ALDH1L2: variants seen among roughly 807,000 people sequenced by gnomAD.
The protein encoded by ALDH1L2 is aldehyde dehydrogenase 1 family member L2.
ALDH1L2 carries 91 observed loss-of-function variants against 111.0 expected under a neutral mutation model. The observed-to-expected ratio is 0.82, with a 90% confidence interval of 0.69 to 0.98. The LOEUF is 0.98. ALDH1L2 is among the 50% of genes least tolerant of loss of function. The pLI is 0.00. For synonymous variants in ALDH1L2, 374 were observed against 392.6 expected (o/e 0.95, Z 0.56); for missense variants, 995 against 1,126.8 (o/e 0.88, Z 1.67).
chr12:105,077,443 T>TC (rs1160534714), intron 1 of ALDH1L2, among the ~76,000 whole-genome samples: 1 of 151,866 alleles, frequency 6.6e-6, no homozygotes, highest in East Asian at 1.9e-4. Flanking sequence ...GCTAATTTTT[T>TC]TTTTTTTTTA....
intron 1 of ALDH1L2, among the ~76,000 whole-genome samples, chr12:105,074,458 C>CAAAAAAAAAA (rs59114614): frequency 7.7e-5 from 3 of 38,906 alleles, no homozygotes; most frequent in African/African-American, 1.8e-4. Flanking sequence ...ACTCTGTCTC[C>CAAAAAAAAAA]AAAAAAAAAA....
intron 19 of ALDH1L2, among the ~76,000 whole-genome samples, chr12:105,033,384 C>T (rs1015238412): frequency 6.6e-6 from 1 of 152,214 alleles, no homozygotes; most frequent in Admixed American, 6.5e-5. Flanking sequence ...GCACTGCAGA[C>T]TGTCTTTCAG....
At chr12:105,066,541 C>G (rs776595545) in intron 5 of ALDH1L2, 27 bp downstream of exon 5, 11 of 1,590,768 alleles carry the variant, frequency 6.9e-6, no homozygotes, top group Non-Finnish European at 9.5e-6. Context: ...AACTCTGAGA[C>G]GTGTTATTGA....
In ALDH1L2 at chr12:105,073,988, C is replaced by T. The variant is rs1198103996; in HGVS notation, c.66G>A (p.Lys22=). The T allele has an allele frequency of 6.2e-7, 1 of 1,614,116 alleles. No individual in the cohort carries two copies. Among genetic ancestry groups the T allele is most frequent in the Non-Finnish European group, 8.5e-7 (1 of 1,180,018 alleles). The change falls in exon 2 of 23, where the codon AAG becomes AAA. Residue 22 remains lysine, a synonymous_variant. Transcript: ENST00000258494. The part of the protein sequence containing the change: ...FSTGRVYFKN[K]LKLALIGQSL... ...TCTGGCCAATTAGTGCCAACTTCAGCTTGTTTTTGAAATAAACCTGTGAAA... is the reference window on the plus strand; with the variant it reads ...TCTGGCCAATTAGTGCCAACTTCAGTTTGTTTTTGAAATAAACCTGTGAAA...
intron 21 of ALDH1L2, among the ~76,000 whole-genome samples, chr12:105,027,103 G>A (rs1390726029): frequency 6.6e-6 from 1 of 152,166 alleles, no homozygotes; most frequent in Non-Finnish European, 1.5e-5. Context: ...TCAAACTCCT[G>A]GCCTCAAACT....
At position 105,039,721 on chromosome 12, in the gene ALDH1L2, G is replaced by A. The variant is rs377343757; in HGVS notation, c.2037C>T (p.Ile679=). 6.2e-6 allele frequency: 10 copies of A among 1,613,460 alleles called. No homozygotes were observed. The African/African-American group carries it at 6.7e-5, about 11-fold the overall frequency. Residue 679 remains isoleucine, a synonymous_variant, in exon 17 of 23, where the codon ATC becomes ATT. Coordinates refer to ENST00000258494, the MANE Select transcript of ALDH1L2 (RefSeq NM_001034173.4). The part of the protein sequence containing the change: ...FTGSTPIGKQ[I]MKSCAVSNLK... ...CATTTTAAAACCAATACCTCTTCATGATCTGTTTGCCAATAGGAGTGGATC... is the reference window on the plus strand; with the variant it reads ...CATTTTAAAACCAATACCTCTTCATAATCTGTTTGCCAATAGGAGTGGATC...
chr12:105,045,544 A>T (rs1875789940), intron 15 of ALDH1L2, among the ~76,000 whole-genome samples: 1 of 152,012 alleles, frequency 6.6e-6, no homozygotes, highest in African/African-American at 2.4e-5. Flanking sequence ...TATCTCTGGG[A>T]TATCTAAGCC....
At chr12:105,077,745 A>G (rs568843527) in intron 1 of ALDH1L2, among the ~76,000 whole-genome samples, 3 of 151,750 alleles carry the variant, frequency 2.0e-5, no homozygotes, top group African/African-American at 7.2e-5. Flanking sequence ...GAATTAAAAA[A>G]AAAAAAAAAA....
chr12:105,025,106 A>G (rs749211758), intron 22 of ALDH1L2, among the ~76,000 whole-genome samples: 1 of 152,180 alleles, frequency 6.6e-6, no homozygotes, highest in Non-Finnish European at 1.5e-5. Context: ...ACTGTCATCA[A>G]TCTCTACAGA....
intron 15 of ALDH1L2, among the ~76,000 whole-genome samples, chr12:105,043,401 T>C (rs1592776178): frequency 6.6e-6 from 1 of 152,182 alleles, no homozygotes; most frequent in Admixed American, 6.5e-5. Context: ...TTTTCCTCCT[T>C]CTAGTAACAG....
At chr12:105,079,387 G>C (rs183063282) in intron 1 of ALDH1L2, among the ~76,000 whole-genome samples, 33 of 152,276 alleles carry the variant, frequency 2.2e-4, no homozygotes, top group Non-Finnish European at 1.6e-4. Flanking sequence ...ATCAGTGAGG[G>C]CTTTCTTGGA....
At chr12:105,066,418 T>C (rs565846511) in intron 5 of ALDH1L2, 150 bp downstream of exon 5, 10 of 654,830 alleles carry the variant, frequency 1.5e-5, no homozygotes. Context: ...GACTCCCCTC[T>C]CCTGCGTATG....
At chr12:105,061,512 CA>C in intron 8 of ALDH1L2, 114 bp downstream of exon 8, 7 of 1,433,868 alleles carry the variant, frequency 4.9e-6, no homozygotes, top group Admixed American at 4.2e-5. Context: ...GCAGCTAATA[CA>C]AAAAAAGAGG....
Position 105,024,127 on chromosome 12 carries a change from A to G in ALDH1L2, c.*297T>C, listed in dbSNP as rs773541948. ...ATAACTGCATGGTACTGACATCTTC[A>G]AGATGGGAACCATGAATAGATTTGT... On this transcript the variant is annotated 3_prime_UTR_variant, in exon 23 of 23. Coordinates refer to ENST00000258494, the MANE Select transcript of ALDH1L2 (RefSeq NM_001034173.4). 2.4e-5 allele frequency: 12 copies of G among 491,756 alleles called. No homozygotes were observed. The highest frequency in any genetic ancestry group is 4.0e-5 in the Non-Finnish European group (11 of 273,192). The allele number at this position is 491,756 out of a possible 1,614,324, so 30.5% of individuals were successfully genotyped here. A position where few individuals can be genotyped will look rare whatever the true frequency, so the allele number is the denominator to read the frequency against.
chr12:105,032,174 CTT>C (rs59767606), intron 19 of ALDH1L2, among the ~76,000 whole-genome samples: 57 of 105,966 alleles, frequency 5.4e-4, no homozygotes, highest in African/African-American at 1.7e-3. Context: ...CCTCGAACTT[CTT>C]TTTTTTTTTT....
intron 6 of ALDH1L2, among the ~76,000 whole-genome samples, chr12:105,064,265 A>G (rs1006311601): frequency 1.3e-5 from 2 of 151,556 alleles, no homozygotes; most frequent in African/African-American, 4.9e-5. Flanking sequence ...TACAGGTGTG[A>G]GCCACCATGG....
chr12:105,038,249 C>A, intron 17 of ALDH1L2, 47 bp from the exon 18 acceptor site: 1 of 777,024 alleles, frequency 1.3e-6, no homozygotes. Context: ...ACATCTCTCT[C>A]TCTCTCTCTC....
rs528394116 is a variant in ALDH1L2 at position 105,035,002 on chromosome 12, A to G, written c.2146-604T>C. Among the ~76,000 whole-genome samples, 75 of 152,214 alleles carry G rather than the reference A, an allele frequency of 4.9e-4. No individual in the cohort carries two copies. The East Asian group carries it at 0.013, about 25-fold the overall frequency. ...CCATCTCATAAATAAATAAATAAATAAAAGAAAATCTAGATTATTCTCTTC... is the reference window on the plus strand; with the variant it reads ...CCATCTCATAAATAAATAAATAAATGAAAGAAAATCTAGATTATTCTCTTC... On this transcript the variant is annotated intron_variant, in intron 18 of 22. Coordinates refer to ENST00000258494, the MANE Select transcript of ALDH1L2 (RefSeq NM_001034173.4).
chr12:105,028,775 G>GA (rs2136045884), intron 21 of ALDH1L2, among the ~76,000 whole-genome samples: 1 of 152,274 alleles, frequency 6.6e-6, no homozygotes, highest in Admixed American at 6.5e-5. Flanking sequence ...CTACAGCAAT[G>GA]ACAAGCATAT....
Sources: gnomAD v4.1 joint callset for allele counts (sites outside exome capture counted in the v4.1 genomes callset) on GRCh38, gnomAD v4.1.1 for gene constraint, MANE v1.5 for transcripts, NCBI Gene and HGNC (gene_info 2026-07-23, HGNC 2026-07-21) for gene names.